ARHGEF18: variants seen among roughly 807,000 people sequenced by gnomAD.
The protein encoded by ARHGEF18 is rho guanine nucleotide exchange factor 18.
In ARHGEF18, 93 loss-of-function variants were observed where a neutral mutation model predicts 155.7. The ratio of observed to expected loss-of-function variants is 0.60; its 90% confidence interval spans 0.50 to 0.71. The LOEUF (loss-of-function observed/expected upper bound fraction) is 0.71. ARHGEF18 is among the 30% of genes least tolerant of loss of function. ARHGEF18 has a pLI of 0.00. For synonymous variants in ARHGEF18, 742 were observed against 753.1 expected, an observed-to-expected ratio of 0.99 and a Z score of 0.24; for missense variants, 1,593 against 1,816.1, an observed-to-expected ratio of 0.88 and a Z score of 2.23.
At chr19:7,362,210 A>AG (rs1568265239) in intron 1 of ARHGEF18, among the ~76,000 whole-genome samples, 1 of 128,446 alleles carries the variant, frequency 7.8e-6, no homozygotes, top group East Asian at 2.0e-4. Flanking sequence ...AAGAAGGAGA[A>AG]AAGAAGAGGA....
chr19:7,433,507 CAAAAAAA>C (rs35825715), intron 10 of ARHGEF18, among the ~76,000 whole-genome samples: 3 of 58,302 alleles, frequency 5.1e-5, no homozygotes, highest in African/African-American at 1.4e-4. Context: ...ACTCCGTCTC[CAAAAAAA>C]AAAAAAAAAA....
At chr19:7,414,200 C>T (rs956430138) in intron 10 of ARHGEF18, among the ~76,000 whole-genome samples, 5 of 151,936 alleles carry the variant, frequency 3.3e-5, no homozygotes, top group African/African-American at 1.2e-4. Context: ...ACTCCCATAG[C>T]AACCAAAAAT....
chr19:7,380,837 G>C (rs1288509782), intron 7 of ARHGEF18, 80 bp from the exon 8 acceptor site: 4 of 909,362 alleles, frequency 4.4e-6, no homozygotes, highest in Non-Finnish European at 5.8e-6. Context: ...CCTGGTGTAT[G>C]CCTGTACTCG....
intron 10 of ARHGEF18, among the ~76,000 whole-genome samples, chr19:7,407,961 CAAAAAAAAAAAA>C (rs71179104): frequency 1.2e-4 from 6 of 48,790 alleles, no homozygotes; most frequent in African/African-American, 6.2e-4. Flanking sequence ...GACTCCGTCT[CAAAAAAAAAAAA>C]AAAAAAAAAA....
chr19:7,375,428 G>A (rs913911875), intron 3 of ARHGEF18, among the ~76,000 whole-genome samples: 1 of 151,684 alleles, frequency 6.6e-6, no homozygotes, highest in Non-Finnish European at 1.5e-5. Flanking sequence ...AGGAAGAAAG[G>A]AAGGAAGAAA....
At chr19:7,361,625 A>G (rs1969552919) in intron 1 of ARHGEF18, among the ~76,000 whole-genome samples, 1 of 152,138 alleles carries the variant, frequency 6.6e-6, no homozygotes, top group Admixed American at 6.5e-5. Context: ...AACGACCCAA[A>G]TGTCCATCAA....
intron 10 of ARHGEF18, among the ~76,000 whole-genome samples, chr19:7,431,546 T>A (rs113362383): frequency 1.4e-5 from 2 of 141,474 alleles, no homozygotes; most frequent in African/African-American, 5.3e-5. Flanking sequence ...CCGGGCTCAG[T>A]GGCTCACGCC....
At chr19:7,394,553 C>T (rs1429509805) in intron 10 of ARHGEF18, among the ~76,000 whole-genome samples, 4 of 151,934 alleles carry the variant, frequency 2.6e-5, no homozygotes, top group Non-Finnish European at 5.9e-5. Context: ...TTGGGGTCCC[C>T]TTAACCCCGC....
the ARHGEF18 span, among the ~76,000 whole-genome samples, chr19:7,479,384 T>C: frequency 1.3e-5 from 2 of 152,176 alleles, no homozygotes; most frequent in African/African-American, 4.8e-5. Flanking sequence ...CTCGGGAGGC[T>C]GAGGCAGGAG....
At position 7,369,232 on chromosome 19, in the gene ARHGEF18, C is replaced by A. The variant is rs78151731; in HGVS notation, c.16-3580C>A. Among the ~76,000 whole-genome samples the A allele has an allele frequency of 2.6e-5, 4 of 151,954 alleles. No homozygotes were observed. In the East Asian group the frequency reaches 5.8e-4, roughly 22 times the overall value. On this transcript the variant is annotated intron_variant, in intron 2 of 28. Coordinates refer to ENST00000668164, the MANE Select transcript of ARHGEF18 (RefSeq NM_001367823.1). ...ATCCCAGCAGTTTGGGAGGCTGAGG[C>A]GGATGGATCATCTGAGGTCGGGGGT... is the stretch of plus-strand genomic sequence containing the variant.
intron 1 of ARHGEF18, among the ~76,000 whole-genome samples, chr19:7,352,436 T>C (rs1969181009): frequency 6.6e-6 from 1 of 151,950 alleles, no homozygotes; most frequent in African/African-American, 2.4e-5. Context: ...CTTTTTCTGG[T>C]CTGCCTCCCA....
At chr19:7,403,397 T>A (rs1325546789) in intron 10 of ARHGEF18, among the ~76,000 whole-genome samples, 1 of 152,224 alleles carries the variant, frequency 6.6e-6, no homozygotes, top group Non-Finnish European at 1.5e-5. Context: ...CCCTACTTTC[T>A]GTCTCTAGAT....
downstream of ARHGEF18, among the ~76,000 whole-genome samples, chr19:7,476,140 G>A (rs1330274791): frequency 6.6e-6 from 1 of 152,230 alleles, no homozygotes; most frequent in Non-Finnish European, 1.5e-5. Context: ...GTGAGACCCT[G>A]TCTCTACAAA....
At chr19:7,459,303 C>T (rs1443074981) in intron 19 of ARHGEF18, among the ~76,000 whole-genome samples, 1 of 152,158 alleles carries the variant, frequency 6.6e-6, no homozygotes, top group African/African-American at 2.4e-5. Context: ...CTTATTGCAA[C>T]CCAAACTCCT....
chr19:7,458,008 G>A (rs1307692260), intron 18 of ARHGEF18, among the ~76,000 whole-genome samples: 1 of 151,864 alleles, frequency 6.6e-6, no homozygotes, highest in Non-Finnish European at 1.5e-5. Context: ...GGGATACTAA[G>A]GGGCAAGATG....
intron 10 of ARHGEF18, among the ~76,000 whole-genome samples, chr19:7,391,560 G>A (rs1052865037): frequency 2.0e-5 from 3 of 151,946 alleles, no homozygotes; most frequent in Non-Finnish European, 2.9e-5. Context: ...ATACACATAC[G>A]CTGTGCCTTG....
chr19:7,426,547 A>G (rs1196961349), intron 10 of ARHGEF18, among the ~76,000 whole-genome samples: 1 of 151,938 alleles, frequency 6.6e-6, no homozygotes, highest in East Asian at 1.9e-4. Flanking sequence ...CTTAGGTAGT[A>G]CACCAGACAC....
intron 10 of ARHGEF18, among the ~76,000 whole-genome samples, chr19:7,398,690 CA>C (rs1176940342): frequency 0.024 from 2,760 of 114,882 alleles, 73 homozygotes; most frequent in African/African-American, 0.061. Flanking sequence ...GACTCTGTCT[CA>C]AAAAAAAAAA....
intron 10 of ARHGEF18, among the ~76,000 whole-genome samples, chr19:7,434,035 AAAG>A (rs200289746): frequency 0.37 from 54,093 of 147,482 alleles, 10,492 homozygotes; most frequent in East Asian, 0.59. Flanking sequence ...AAAAAAAAAA[AAAG>A]AAAAAAAAAG....
Sources: allele counts gnomAD v4.1 joint callset (sites outside exome capture counted in the v4.1 genomes callset), GRCh38; gene constraint gnomAD v4.1.1; transcripts MANE v1.5; gene names NCBI Gene and HGNC (gene_info 2026-07-23, HGNC 2026-07-21).